The following CLTCL1 variants were observed in gnomAD, a reference collection of about 807,000 sequenced individuals.
The protein encoded by CLTCL1 is clathrin heavy chain 2.
A neutral mutation model predicts 190.0 loss-of-function variants in CLTCL1; 159 were observed. That is an observed-to-expected ratio of 0.84 (90% CI 0.74 to 0.95). The LOEUF (loss-of-function observed/expected upper bound fraction) is 0.95. CLTCL1 is among the 40% of genes least tolerant of loss of function. The pLI is 0.00. For synonymous variants in CLTCL1, 752 were observed against 769.6 expected (o/e 0.98, Z 0.38); for missense variants, 1,878 against 2,033.4 (o/e 0.92, Z 1.47).
Position 19,180,740 on chromosome 22 carries a change from G to C in CLTCL1, c.4894C>G (p.Leu1632Val). The change falls in exon 31 of 33, where the codon CTC (leucine) becomes GTC (valine). Residue 1632 changes from leucine to valine, a missense_variant. Physicochemically the swap from Leu to Val is conservative, Grantham distance 32. Transcript: ENST00000427926. ...QEEHVTEPAPLVFDFDGHE is the reference protein window; with the variant it reads ...QEEHVTEPAPVVFDFDGHE The stretch of plus-strand genomic sequence containing the variant: ...TACAGGTGCCACCTACCAAACACGA[G>C]AGGGGCAGGCTCTGTCACATGCTCC... 1.2e-6 allele frequency: 2 copies of C among 1,613,742 alleles called. No individual in the cohort carries two copies. The highest frequency in any genetic ancestry group is 3.3e-4 in the Middle Eastern group (2 of 6,060).
In CLTCL1 at chr22:19,198,374, G is replaced by A. The variant is rs1299025737; in HGVS notation, c.3873+1360C>T. Among the ~76,000 whole-genome samples, 1 of 151,920 alleles carries A rather than the reference G, an allele frequency of 6.6e-6. No individual in the cohort carries two copies. Among genetic ancestry groups the A allele is most frequent in the African/African-American group, 2.4e-5 (1 of 41,386 alleles). ...TCTGGCTCCTGTCCCTACTCCTCAA[G>A]TATGTGTCTCAGCACATGAGCCACC... On this transcript the variant is annotated intron_variant, in intron 24 of 32. Coordinates refer to ENST00000427926, the MANE Select transcript of CLTCL1 (RefSeq NM_007098.4). This position sits in a 1 kb window ranked among gnomAD's most constrained non-coding sequence, Gnocchi z 4.1.
At chr22:19,220,916 A>C (rs575965170) in intron 17 of CLTCL1, among the ~76,000 whole-genome samples, 435 of 152,308 alleles carry the variant, frequency 2.9e-3, no homozygotes, top group Non-Finnish European at 3.7e-3. Flanking sequence ...CTCATTGGTC[A>C]GGTGATGGGG....
intron 24 of CLTCL1, among the ~76,000 whole-genome samples, 195 bp downstream of exon 24, chr22:19,199,539 G>T (rs1282052628): frequency 6.6e-6 from 1 of 152,214 alleles, no homozygotes; most frequent in Admixed American, 6.5e-5. Flanking sequence ...CCATGAGGTC[G>T]AGGATAGCTA....
chr22:19,282,874 T>TA (rs1281732457), intron 1 of CLTCL1, among the ~76,000 whole-genome samples: 7 of 149,244 alleles, frequency 4.7e-5, no homozygotes, highest in African/African-American at 1.7e-4. Context: ...TTCTTTCCTT[T>TA]TTTTTTTTTT....
intron 8 of CLTCL1, 32 bp downstream of exon 8, chr22:19,233,390 C>CG (rs782484669): frequency 4.3e-5 from 69 of 1,612,274 alleles, no homozygotes; most frequent in Middle Eastern, 1.6e-4. Context: ...TCAAGCTGTG[C>CG]GGGGGGGCTA....
At chr22:19,217,236 C>G (rs1245247405) in intron 18 of CLTCL1, among the ~76,000 whole-genome samples, 2 of 152,118 alleles carry the variant, frequency 1.3e-5, no homozygotes, top group Admixed American at 1.3e-4. Context: ...AAGGGTATGC[C>G]TGAGGGAAAG....
At position 19,221,581 on chromosome 22, in the gene CLTCL1, G is replaced by T. The variant is rs373612157; in HGVS notation, c.2592C>A (p.Ser864=). The change falls in exon 17 of 33, where the codon TCC becomes TCA. Residue 864 remains serine (S), a synonymous_variant. Transcript: ENST00000427926. ...RLKLLLPWLE[S]QIQEGCEEPA... is the part of the protein sequence containing the mutation. ...GCTCCTCACAGCCTTCCTGAATCTG[G>T]GACTCCAGCCAGGGAAGCAGCAGCT... The T allele has an allele frequency of 2.5e-6, 4 of 1,597,132 alleles. No individual in the cohort carries two copies. Among genetic ancestry groups the T allele is most frequent in the Non-Finnish European group, 3.4e-6 (4 of 1,171,636 alleles).
chr22:19,226,233 G>A lies in CLTCL1; in HGVS notation c.1933C>T (p.Leu645Phe). The change falls in exon 12 of 33, where the codon CTC becomes TTC. Residue 645 changes from leucine (L) to phenylalanine (F), a missense_variant. By Grantham distance (22) the Leu-to-Phe change is conservative (BLOSUM62 0). Transcript: ENST00000427926. ...GTACACAGTACCTCGGGATTGAGGA[G>A]GTGAGTGTGGACCACAGCCCTCTTG... ...DIKRAVVHTH[L>F]LNPEWLVNFF... is the part of the protein sequence containing the mutation. The A allele has an allele frequency of 6.2e-7, 1 of 1,613,848 alleles. No individual in the cohort carries two copies. The highest frequency in any genetic ancestry group is 8.5e-7 in the Non-Finnish European group (1 of 1,179,838).
chr22:19,207,996 T>C (rs1381741750), intron 22 of CLTCL1, 158 bp downstream of exon 22: 2 of 766,442 alleles, frequency 2.6e-6, no homozygotes, highest in South Asian at 1.5e-5. Context: ...TGTAATGCAC[T>C]TGAATCATCC....
intron 2 of CLTCL1, among the ~76,000 whole-genome samples, chr22:19,275,422 T>C (rs1601717128): frequency 6.7e-6 from 1 of 149,520 alleles, no homozygotes; most frequent in African/African-American, 2.5e-5. Flanking sequence ...GCGCTGTGGG[T>C]GATGTTACCA....
chr22:19,207,905 G>C (rs2085101197), intron 22 of CLTCL1: 1 of 653,524 alleles, frequency 1.5e-6, no homozygotes, highest in Non-Finnish European at 2.8e-6. Context: ...GGCTCCCACT[G>C]AGTCTACATT....
chr22:19,273,255 G>A (rs917645280), intron 2 of CLTCL1, among the ~76,000 whole-genome samples: 9 of 152,098 alleles, frequency 5.9e-5, no homozygotes, highest in Non-Finnish European at 1.2e-4. Flanking sequence ...TCAACGATTT[G>A]TACTACAATG....
chr22:19,193,399 G>T (rs959543305), intron 26 of CLTCL1, among the ~76,000 whole-genome samples: 1 of 152,206 alleles, frequency 6.6e-6, no homozygotes, highest in Non-Finnish European at 1.5e-5. Context: ...ACTACAGGAG[G>T]AATGGAGCGG....
chr22:19,193,718 C>G (rs1164515000), intron 26 of CLTCL1, among the ~76,000 whole-genome samples: 1 of 152,204 alleles, frequency 6.6e-6, no homozygotes. Flanking sequence ...GCCACAGACC[C>G]TCATGGTGAG....
intron 1 of CLTCL1, among the ~76,000 whole-genome samples, chr22:19,283,274 T>C (rs1273633768): frequency 1.3e-5 from 2 of 151,514 alleles, no homozygotes; most frequent in African/African-American, 4.8e-5. Flanking sequence ...TTTAAAAAAA[T>C]TTTCTTTCTT....
At chr22:19,252,836 A>G (rs757440873) in intron 3 of CLTCL1, among the ~76,000 whole-genome samples, 62 of 152,168 alleles carry the variant, frequency 4.1e-4, no homozygotes, top group Non-Finnish European at 6.9e-4. Context: ...AACACGGAGA[A>G]ACCCCATCTC....
intron 32 of CLTCL1, 37 bp from the exon 33 acceptor site, chr22:19,180,006 C>T: frequency 1.7e-6 from 1 of 601,780 alleles, no homozygotes; most frequent in East Asian, 2.8e-5. Flanking sequence ...CAGAGCTCTT[C>T]CTGCCCATGG....
At chr22:19,242,331 C>T (rs1392443598) in intron 4 of CLTCL1, among the ~76,000 whole-genome samples, 8 of 151,660 alleles carry the variant, frequency 5.3e-5, no homozygotes, top group Admixed American at 5.3e-4. Flanking sequence ...ACTGTGTAGC[C>T]CAAGCAGGAG....
intron 11 of CLTCL1, among the ~76,000 whole-genome samples, chr22:19,227,177 A>C (rs976042716): frequency 1.3e-5 from 2 of 152,026 alleles, no homozygotes; most frequent in Non-Finnish European, 2.9e-5. Flanking sequence ...ATTTGTGCTT[A>C]CTAGACTTCT....
Sources: gnomAD v4.1 joint callset for allele counts (sites outside exome capture counted in the v4.1 genomes callset) on GRCh38, gnomAD v4.1.1 for gene constraint, Gnocchi (gnomAD v3.1) non-coding constraint, MANE v1.5 for transcripts, NCBI Gene and HGNC (gene_info 2026-07-23, HGNC 2026-07-21) for gene names.